DRC1: variants seen among roughly 807,000 people sequenced by gnomAD.
DRC1 encodes dynein regulatory complex subunit 1, also known as dynein regulatory complex protein 1.
In DRC1, 74 loss-of-function variants were observed where a neutral mutation model predicts 98.7. That is an observed-to-expected ratio of 0.75 (90% confidence interval 0.62 to 0.91). The LOEUF (loss-of-function observed/expected upper bound fraction) is 0.91. Ranked by LOEUF, DRC1 falls within the 40% of genes least tolerant of loss-of-function variation. DRC1 has a pLI of 0.00. For synonymous variants in DRC1, 336 were observed against 334.1 expected (o/e 1.01, Z -0.06); for missense variants, 875 against 886.0 (o/e 0.99, Z 0.16).
chr2:26,451,644 T>G (rs1664009832), intron 13 of DRC1, among the ~76,000 whole-genome samples: 2 of 151,716 alleles, frequency 1.3e-5, no homozygotes, highest in Non-Finnish European at 2.9e-5. Context: ...TGAGCCATGA[T>G]TTCACCACTG....
rs1663756677 is a variant in DRC1 at position 26,442,979 on chromosome 2, A to T, written c.1029-1243A>T. On this transcript the variant is annotated intron_variant, in intron 8 of 16. Transcript: ENST00000288710. Reference sequence around the variant, plus strand: ...CTTTACTGCATGACATTGGGAAAAAACACTTTGGAATGACTACTTATTTTT... The same window carrying T: ...CTTTACTGCATGACATTGGGAAAAATCACTTTGGAATGACTACTTATTTTT... Among the ~76,000 whole-genome samples, 5 of 152,186 alleles carry T rather than the reference A, an allele frequency of 3.3e-5. No individual in the cohort carries two copies. In the South Asian group the frequency reaches 1.0e-3, roughly 31 times the overall value.
In DRC1 at chr2:26,454,479, G is replaced by A. The variant is rs1306065652; in HGVS notation, c.1920-168G>A. On this transcript the variant is annotated intron_variant, in intron 14 of 16. Transcript: ENST00000288710. This position sits in a 1 kb window ranked among gnomAD's most constrained non-coding sequence, Gnocchi z 5.2. ...GTACCGGTGGTACCGAGGCAGGAAC[G>A]TTGACAATAAGCATGCGTCCTTTCT... Among the ~76,000 whole-genome samples, 3 of 152,134 alleles carry A rather than the reference G, an allele frequency of 2.0e-5. No homozygotes were observed. Among genetic ancestry groups the A allele is most frequent in the Non-Finnish European group, 4.4e-5 (3 of 68,032 alleles).
At chr2:26,403,097 C>A (rs1232164904) in intron 1 of DRC1, among the ~76,000 whole-genome samples, 2 of 152,116 alleles carry the variant, frequency 1.3e-5, no homozygotes, top group Admixed American at 6.5e-5. Context: ...CACAAAATAG[C>A]CTTCTTTTGA....
intron 8 of DRC1, among the ~76,000 whole-genome samples, chr2:26,443,525 CT>C (rs747662392): frequency 1.3e-5 from 2 of 152,190 alleles, no homozygotes; most frequent in African/African-American, 2.4e-5. Context: ...CCCTGGCACC[CT>C]GCATAAAACT....
intron 3 of DRC1, among the ~76,000 whole-genome samples, chr2:26,423,691 A>T (rs1376712093): frequency 6.6e-6 from 1 of 152,250 alleles, no homozygotes; most frequent in Non-Finnish European, 1.5e-5. Flanking sequence ...TGTTGCTAAT[A>T]TAAAATTGAT....
chr2:26,414,518 T>C, intron 2 of DRC1, 87 bp downstream of exon 2: 2 of 1,248,228 alleles, frequency 1.6e-6, no homozygotes, highest in South Asian at 1.3e-5. Context: ...GAAGAAATCA[T>C]GTGGTCCATG....
chr2:26,420,268 C>T (rs923384748), intron 2 of DRC1, among the ~76,000 whole-genome samples: 7 of 152,214 alleles, frequency 4.6e-5, no homozygotes, highest in Non-Finnish European at 7.3e-5. Context: ...GCAAGGGAGG[C>T]TGGGAAAGGT....
intron 16 of DRC1, 106 bp downstream of exon 16, chr2:26,455,339 G>T (rs891183153): frequency 6.7e-6 from 7 of 1,050,336 alleles, no homozygotes; most frequent in Non-Finnish European, 9.8e-6. Context: ...TCAGAGGCAA[G>T]GGAGCTTTGT....
Position 26,440,483 on chromosome 2 carries a change from G to C in DRC1, c.994G>C (p.Val332Leu), listed in dbSNP as rs367682395. The C allele has an allele frequency of 7.3e-5, 117 of 1,613,070 alleles. No homozygotes were observed. Among genetic ancestry groups the C allele is most frequent in the Non-Finnish European group, 9.2e-5 (109 of 1,179,536 alleles). ...VLKKRDEEST[V>L]IKSQQKRKIN... ...GAAGAAGAGAGATGAAGAAAGCACA[G>C]TAATTAAATCCCAGCAGAAGAGGAA... The change falls in exon 8 of 17, where the codon GTA becomes CTA. Residue 332 changes from valine to leucine, a missense_variant. Physicochemically the swap from Val to Leu is conservative, Grantham distance 32. Transcript: ENST00000288710.
chr2:26,432,103 G>C, intron 7 of DRC1, 97 bp downstream of exon 7: 1 of 1,469,330 alleles, frequency 6.8e-7, no homozygotes, highest in Non-Finnish European at 9.1e-7. Flanking sequence ...TGATATTCTA[G>C]AGGTAGTCCC....
Position 26,450,235 on chromosome 2 carries a change from C to T in DRC1, c.1599+150C>T, listed in dbSNP as rs544422639. 21 of 710,474 alleles carry T rather than the reference C, an allele frequency of 3.0e-5. No individual in the cohort carries two copies. In the South Asian group the frequency reaches 3.2e-4, roughly 11 times the overall value. 44.0% of individuals were successfully genotyped at this position (710,474 alleles called of 1,614,324 possible). A position where few individuals can be genotyped will look rare whatever the true frequency, so the allele number is the denominator to read the frequency against. The stretch of plus-strand genomic sequence containing the variant: ...CACATCCTTCCCTTAACCTACTCTC[C>T]ACACAACACATTGGTCTCAGACTCA... On this transcript the variant is annotated intron_variant, in intron 12 of 16. Transcript: ENST00000288710.
rs780724352 is a variant in DRC1 at position 26,454,828 on chromosome 2, G to A, written c.2063+38G>A. 7 of 1,612,818 alleles carry A rather than the reference G, an allele frequency of 4.3e-6. No homozygotes were observed. In the Admixed American group the frequency reaches 8.3e-5, roughly 19 times the overall value. ...GTCATGGAGCAGGAGGGTGCTGGCG[G>A]GCAGGTGAGGAACGGTTGTTGGGAG... On this transcript the variant is annotated intron_variant, in intron 15 of 16. Coordinates refer to ENST00000288710, the MANE Select transcript of DRC1 (RefSeq NM_145038.5). The surrounding 1 kb of genome is among the most constrained non-coding windows in gnomAD (Gnocchi z 5.2).
intron 3 of DRC1, among the ~76,000 whole-genome samples, chr2:26,423,095 T>C (rs1663187436): frequency 6.6e-6 from 1 of 152,054 alleles, no homozygotes; most frequent in South Asian, 2.1e-4. Context: ...TCCCACTGCC[T>C]GTATGGGCTG....
At chr2:26,421,526 T>G (rs1663141127) in intron 3 of DRC1, 126 bp downstream of exon 3, 1 of 512,112 alleles carries the variant, frequency 2.0e-6, no homozygotes, top group Non-Finnish European at 3.3e-6. Context: ...CCTTATAACT[T>G]CTCCCTCCCT....
At chr2:26,412,637 A>G (rs533762461) in intron 1 of DRC1, among the ~76,000 whole-genome samples, 25 of 152,268 alleles carry the variant, frequency 1.6e-4, no homozygotes, top group East Asian at 3.9e-4. Flanking sequence ...CACATGCACT[A>G]TTTAGAAAAT....
chr2:26,451,874 A>C (rs904224103), intron 13 of DRC1, among the ~76,000 whole-genome samples: 1 of 152,222 alleles, frequency 6.6e-6, no homozygotes, highest in Non-Finnish European at 1.5e-5. Flanking sequence ...TTCAACTCAT[A>C]TCATAGTTAA....
intron 15 of DRC1, 75 bp from the exon 16 acceptor site, chr2:26,455,056 C>A (rs1038444879): frequency 6.5e-7 from 1 of 1,544,224 alleles, no homozygotes; most frequent in Non-Finnish European, 9.0e-7. Flanking sequence ...CAAAGTACAA[C>A]CACCAAGACC....
chr2:26,443,934 G>A (rs1295157314), intron 8 of DRC1, among the ~76,000 whole-genome samples: 1 of 152,176 alleles, frequency 6.6e-6, no homozygotes, highest in African/African-American at 2.4e-5. Flanking sequence ...GACAAATGAT[G>A]TATTGTGAAG....
Position 26,429,750 on chromosome 2 carries a change from G to A in DRC1, c.663G>A (p.Glu221=). 1 of 1,614,088 alleles carries A rather than the reference G, an allele frequency of 6.2e-7. No homozygotes were observed. The highest frequency in any genetic ancestry group is 2.2e-5 in the East Asian group (1 of 44,884). Residue 221 remains glutamate (E), a synonymous_variant, in exon 5 of 17, where the codon GAG becomes GAA. Transcript: ENST00000288710. ...ATGTGATGAAAACCTTTCGTGAGGA[G>A]CTCTATAACATTGAGGTAACAGGGT... ...VKNVMKTFRE[E]LYNIEKAFEV...
Sources: gnomAD v4.1 joint callset for allele counts (sites outside exome capture counted in the v4.1 genomes callset) on GRCh38, gnomAD v4.1.1 for gene constraint, Gnocchi (gnomAD v3.1) non-coding constraint, MANE v1.5 for transcripts, NCBI Gene and HGNC (gene_info 2026-07-23, HGNC 2026-07-21) for gene names.